The following SHLD1 variants were observed in gnomAD, a reference collection of about 807,000 sequenced individuals.
SHLD1 encodes RINN1-REV7-interacting novel NHEJ regulator 3.
Under a neutral mutation model 5.5 loss-of-function variants are expected in SHLD1, and 3 were observed. The observed-to-expected ratio is 0.54, with a 90% CI of 0.25 to 1.40. The LOEUF is 1.40. SHLD1 is among the 40% of genes most tolerant of loss of function. SHLD1 has a pLI of 0.15. For synonymous variants in SHLD1, 92 were observed against 94.3 expected (o/e 0.98, Z 0.14); for missense variants, 210 against 244.4 (o/e 0.86, Z 0.94).
At chr20:5,842,252 T>C (rs184871266) in intron 2 of SHLD1, among the ~76,000 whole-genome samples, 5 of 152,334 alleles carry the variant, frequency 3.3e-5, no homozygotes, top group Non-Finnish European at 1.5e-5. Context: ...ATGTAGCTCC[T>C]TCCTCTACCT....
At chr20:5,774,680 A>T (rs946025715) in intron 2 of SHLD1, among the ~76,000 whole-genome samples, 9 of 152,058 alleles carry the variant, frequency 5.9e-5, no homozygotes, top group Non-Finnish European at 1.2e-4. Context: ...AAACAACCAG[A>T]TCTCATGGGA....
intron 2 of SHLD1, among the ~76,000 whole-genome samples, chr20:5,853,964 C>A (rs967158582): frequency 6.6e-6 from 1 of 151,872 alleles, no homozygotes; most frequent in Non-Finnish European, 1.5e-5. Flanking sequence ...CTTAGCCTCC[C>A]GAGTAGCTGG....
At chr20:5,843,807 C>T (rs1173310090) in intron 2 of SHLD1, among the ~76,000 whole-genome samples, 1 of 152,182 alleles carries the variant, frequency 6.6e-6, no homozygotes, top group Non-Finnish European at 1.5e-5. Context: ...GTAACTATTT[C>T]TGTGACCACA....
chr20:5,768,189 G>C (rs1457590706), intron 1 of SHLD1, among the ~76,000 whole-genome samples: 1 of 152,150 alleles, frequency 6.6e-6, no homozygotes, highest in Non-Finnish European at 1.5e-5. Context: ...GGCCAGACTG[G>C]TCTGAAACTG....
chr20:5,769,366 G>C (rs569982722), intron 1 of SHLD1, among the ~76,000 whole-genome samples: 1 of 152,310 alleles, frequency 6.6e-6, no homozygotes, highest in East Asian at 1.9e-4. Context: ...TTCTCATGAT[G>C]AAGAAAACAG....
chr20:5,848,004 A>T (rs1157079955), intron 2 of SHLD1, among the ~76,000 whole-genome samples: 1 of 152,236 alleles, frequency 6.6e-6, no homozygotes, highest in African/African-American at 2.4e-5. Context: ...CTATCAGAAA[A>T]GAATGGATGA....
intron 1 of SHLD1, among the ~76,000 whole-genome samples, chr20:5,755,861 A>T (rs574968025): frequency 2.9e-4 from 44 of 152,222 alleles, no homozygotes; most frequent in African/African-American, 9.9e-4. Context: ...GTCTGGCGGG[A>T]AAAACATTTT....
chr20:5,803,671 C>A (rs1399570417), intron 2 of SHLD1, among the ~76,000 whole-genome samples: 1 of 151,264 alleles, frequency 6.6e-6, no homozygotes, highest in African/African-American at 2.4e-5. Flanking sequence ...GAGATCGAGA[C>A]CATCCTGGTC....
At chr20:5,804,894 G>A (rs415023) in intron 2 of SHLD1, among the ~76,000 whole-genome samples, 44,021 of 152,060 alleles carry the variant, frequency 0.29, 7,537 homozygotes, top group African/African-American at 0.47. Context: ...TGCTGGTGGC[G>A]AAATAAAGCC....
At chr20:5,844,234 T>C (rs976719589) in intron 2 of SHLD1, among the ~76,000 whole-genome samples, 32 of 152,258 alleles carry the variant, frequency 2.1e-4, no homozygotes, top group Non-Finnish European at 1.5e-5. Flanking sequence ...TTCTGTGAAC[T>C]CTAGATCTTC....
chr20:5,856,489 G>A (rs1423915992), intron 2 of SHLD1, among the ~76,000 whole-genome samples: 1 of 151,150 alleles, frequency 6.6e-6, no homozygotes, highest in Non-Finnish European at 1.5e-5. Flanking sequence ...AAGGAATGAA[G>A]GAGAAAAAAG....
intron 1 of SHLD1, among the ~76,000 whole-genome samples, chr20:5,764,238 T>C (rs1269213831): frequency 1.7e-4 from 22 of 130,444 alleles, no homozygotes; most frequent in African/African-American, 2.8e-4. Flanking sequence ...TATATATATA[T>C]ACATTTCTTT....
In SHLD1 at chr20:5,764,175, T is replaced by TA. The variant is rs1491357373; in HGVS notation, c.-4-8687_-4-8686insA. ...ATTTATATTTATATATATATATATA[T>TA]TTTTATATATATATATTTTATATAT... is the stretch of plus-strand genomic sequence containing the variant. On this transcript the variant is annotated intron_variant, in intron 1 of 2. Transcript: ENST00000303142. Among the ~76,000 whole-genome samples the TA allele has an allele frequency of 1.7e-3, 129 of 76,944 alleles. 2 individuals are homozygous for TA. Among genetic ancestry groups the TA allele is most frequent in the African/African-American group, 5.0e-3 (100 of 19,854 alleles). The allele number at this position is 76,944 out of a possible 152,430, so 50.5% of individuals were successfully genotyped here.
intron 1 of SHLD1, among the ~76,000 whole-genome samples, chr20:5,763,729 G>A (rs1276200455): frequency 6.6e-6 from 1 of 152,012 alleles, no homozygotes; most frequent in Admixed American, 6.6e-5. Flanking sequence ...TTCTGGACAT[G>A]TCCTTAAAGT....
rs539000446 is a variant in SHLD1, at chr20:5,813,354, G to A, written c.178+40311G>A. ...AATACAAAAAAAATAGCGAGGCGTG[G>A]TGGCACGTGCCTGTAGTCCCAGCTA... On this transcript the variant is annotated intron_variant, in intron 2 of 2. Transcript: ENST00000303142. Among the ~76,000 whole-genome samples, 44 of 152,240 alleles carry A rather than the reference G, an allele frequency of 2.9e-4. 1 individual carries two copies. The South Asian group carries it at 9.1e-3, about 32-fold the overall frequency.
intron 2 of SHLD1, among the ~76,000 whole-genome samples, chr20:5,857,720 G>T (rs1357121438): frequency 3.3e-5 from 5 of 151,830 alleles, no homozygotes; most frequent in African/African-American, 1.2e-4. Context: ...GAGGTGGGAG[G>T]ATCGCCTGAG....
chr20:5,779,977 T>G (rs975283182), intron 2 of SHLD1, among the ~76,000 whole-genome samples: 3 of 138,530 alleles, frequency 2.2e-5, no homozygotes, highest in East Asian at 2.0e-4. Flanking sequence ...TTTCTGTTTT[T>G]TTTTTTTTTT....
chr20:5,754,300 G>A (rs928810541), intron 1 of SHLD1, among the ~76,000 whole-genome samples: 1 of 151,902 alleles, frequency 6.6e-6, no homozygotes, highest in Non-Finnish European at 1.5e-5. Context: ...TTGTAGAGTC[G>A]GGTTTTCACC....
intron 2 of SHLD1, among the ~76,000 whole-genome samples, chr20:5,810,803 G>A (rs6139840): frequency 6.6e-6 from 1 of 151,562 alleles, no homozygotes; most frequent in South Asian, 2.1e-4. Context: ...GGGTGGCTGA[G>A]GCAGGAGAAT....
Sources: allele counts gnomAD v4.1 joint callset (sites outside exome capture counted in the v4.1 genomes callset), GRCh38; gene constraint gnomAD v4.1.1; transcripts MANE v1.5; gene names NCBI Gene and HGNC (gene_info 2026-07-23, HGNC 2026-07-21).